Variants in GALNT18 observed in about 807,000 individuals in gnomAD.
GALNT18 encodes the protein polypeptide N-acetylgalactosaminyltransferase 18.
In GALNT18, 44 loss-of-function variants were observed where a neutral mutation model predicts 69.5. The ratio of observed to expected loss-of-function variants is 0.63; its 90% CI spans 0.50 to 0.81. The LOEUF is 0.81. GALNT18 is among the 40% of genes least tolerant of loss of function. The pLI is 0.00. For synonymous variants in GALNT18, 364 were observed against 318.2 expected (o/e 1.14, Z -1.53); for missense variants, 715 against 810.0 (o/e 0.88, Z 1.42).
intron 3 of GALNT18, among the ~76,000 whole-genome samples, chr11:11,431,420 C>T (rs983944249): frequency 6.6e-5 from 10 of 152,158 alleles, no homozygotes; most frequent in Non-Finnish European, 1.2e-4. Context: ...GAGATGGGAG[C>T]TGAGCCCTTC....
At chr11:11,553,936 C>T (rs60594162) in intron 1 of GALNT18, among the ~76,000 whole-genome samples, 13,109 of 152,226 alleles carry the variant, frequency 0.086, 702 homozygotes, top group South Asian at 0.18. Flanking sequence ...AGGACACGAG[C>T]GGCTCGGGCT....
chr11:11,358,062 C>T (rs1850567070), intron 6 of GALNT18, among the ~76,000 whole-genome samples: 1 of 152,080 alleles, frequency 6.6e-6, no homozygotes, highest in Non-Finnish European at 1.5e-5. Context: ...TGTGGGATCA[C>T]ACTGTCCCTG....
At position 11,604,336 on chromosome 11, in the gene GALNT18, GC is replaced by G. The variant is rs1473979986; in HGVS notation, c.235+17022del. Among the ~76,000 whole-genome samples, 2 of 152,154 alleles carry G rather than the reference GC, an allele frequency of 1.3e-5. No homozygotes were observed. Among genetic ancestry groups the G allele is most frequent in the African/African-American group, 4.8e-5 (2 of 41,436 alleles). ...CCATCAGTGGCACTGTGCTGACCAC[GC>G]CATCCACACAGCTGGGTCTCAGTTT... is the stretch of plus-strand genomic sequence containing the variant. On this transcript the variant is annotated intron_variant, in intron 1 of 10. Coordinates refer to ENST00000227756, the MANE Select transcript of GALNT18 (RefSeq NM_198516.3). This position sits in a 1 kb window ranked among gnomAD's most constrained non-coding sequence, Gnocchi z 5.6.
At chr11:11,489,861 T>C (rs1856725650) in intron 1 of GALNT18, among the ~76,000 whole-genome samples, 2 of 152,180 alleles carry the variant, frequency 1.3e-5, no homozygotes, top group South Asian at 2.1e-4. Context: ...AACAATCTGC[T>C]GAAGGTCACA....
intron 10 of GALNT18, among the ~76,000 whole-genome samples, chr11:11,287,902 C>A (rs552281743): frequency 2.7e-4 from 41 of 152,298 alleles, no homozygotes; most frequent in African/African-American, 9.1e-4. Context: ...CGACTACCAT[C>A]ATCTAATCCA....
chr11:11,488,890 G>A (rs11021877), intron 1 of GALNT18, among the ~76,000 whole-genome samples: 14,860 of 152,236 alleles, frequency 0.098, 1,065 homozygotes, highest in East Asian at 0.34. Flanking sequence ...TAACCTCTTT[G>A]TTCTTCACAA....
chr11:11,334,958 A>T lies in GALNT18; in HGVS notation c.1279-2127T>A, dbSNP rs542299010. Among the ~76,000 whole-genome samples the T allele has an allele frequency of 2.0e-5, 3 of 152,350 alleles. 1 individual carries two copies. Among genetic ancestry groups the T allele is most frequent in the Admixed American group, 2.0e-4 (3 of 15,308 alleles). ...TCCGACCCTAAAGCATTCATTAAGT[A>T]TTAACCCTTCACACTCCATGGTACT... On this transcript the variant is annotated intron_variant, in intron 7 of 10. Transcript: ENST00000227756.
chr11:11,426,514 T>C (rs957344933), intron 3 of GALNT18, among the ~76,000 whole-genome samples: 7 of 152,242 alleles, frequency 4.6e-5, no homozygotes, highest in African/African-American at 1.7e-4. Context: ...ATTAAATCCA[T>C]ATTTATTGAA....
chr11:11,521,390 G>C (rs1316614562), intron 1 of GALNT18, among the ~76,000 whole-genome samples: 1 of 152,032 alleles, frequency 6.6e-6, no homozygotes, highest in African/African-American at 2.4e-5. Context: ...CCACTCTCTG[G>C]CCACCAGCTA....
At chr11:11,491,987 C>T (rs1204785604) in intron 1 of GALNT18, among the ~76,000 whole-genome samples, 1 of 152,164 alleles carries the variant, frequency 6.6e-6, no homozygotes, top group African/African-American at 2.4e-5. Flanking sequence ...ACCTATGATT[C>T]ATTTAGCATT....
intron 1 of GALNT18, among the ~76,000 whole-genome samples, chr11:11,599,460 A>C (rs1052409682): frequency 3.3e-5 from 5 of 151,974 alleles, no homozygotes; most frequent in African/African-American, 1.2e-4. Context: ...ATCTTTCTTC[A>C]TCCTTTCTCT....
intron 10 of GALNT18, among the ~76,000 whole-genome samples, 184 bp from the exon 11 acceptor site, chr11:11,271,474 G>A (rs1399013759): frequency 1.3e-5 from 2 of 152,170 alleles, no homozygotes; most frequent in African/African-American, 4.8e-5. Flanking sequence ...CTGGAAGACT[G>A]AATATGTGCC....
rs779912079 is a variant in GALNT18, at chr11:11,332,714, C to T, written c.1396G>A (p.Asp466Asn). Residue 466 changes from aspartate (D) to asparagine (N), a missense_variant, in exon 8 of 11, where the codon GAC becomes AAC. Asp to Asn is a conservative substitution (Grantham distance 23, BLOSUM62 1). Coordinates refer to ENST00000227756, the MANE Select transcript of GALNT18 (RefSeq NM_198516.3). This position sits in a 1 kb window ranked among gnomAD's most constrained non-coding sequence, Gnocchi z 4.3. ...SVYPEMRMYSDIIAYGVLQNS... is the reference protein window; with the variant it reads ...SVYPEMRMYSNIIAYGVLQNS... ...CTTACCACTCCATAGGCAATGATGT[C>T]GGAGTACATCCTCATCTCTGGGTAC... The T allele has an allele frequency of 2.5e-5, 41 of 1,614,110 alleles. No homozygotes were observed. Among genetic ancestry groups the T allele is most frequent in the South Asian group, 3.3e-5 (3 of 91,072 alleles).
At chr11:11,493,343 T>C (rs1316921716) in intron 1 of GALNT18, among the ~76,000 whole-genome samples, 1 of 151,294 alleles carries the variant, frequency 6.6e-6, no homozygotes, top group Non-Finnish European at 1.5e-5. Flanking sequence ...GGTGGATCTT[T>C]TTGGGCAGCT....
intron 3 of GALNT18, among the ~76,000 whole-genome samples, chr11:11,407,325 T>G (rs1012027878): frequency 6.6e-6 from 1 of 152,200 alleles, no homozygotes; most frequent in African/African-American, 2.4e-5. Context: ...GCTGAATCGC[T>G]GAAAGCACCC....
intron 1 of GALNT18, among the ~76,000 whole-genome samples, chr11:11,482,408 T>A (rs969405327): frequency 6.6e-6 from 1 of 152,220 alleles, no homozygotes; most frequent in Non-Finnish European, 1.5e-5. Context: ...GGCAAGGGAA[T>A]GAGGCCTCTG....
intron 6 of GALNT18, among the ~76,000 whole-genome samples, chr11:11,366,640 A>G (rs904330322): frequency 6.6e-6 from 1 of 151,448 alleles, no homozygotes; most frequent in African/African-American, 2.4e-5. Flanking sequence ...TAGGGAAAGA[A>G]TTCGAAAATA....
rs1431443476 is a variant in GALNT18, at chr11:11,573,589, G to A, written c.235+47770C>T. On this transcript the variant is annotated intron_variant, in intron 1 of 10. Transcript: ENST00000227756. The surrounding 1 kb of genome is among the most constrained non-coding windows in gnomAD (Gnocchi z 4.6). ...GGAGCCTTGATCCACCCAGGAAGAGGTGCCAGCTGGATCAGCAAGAGGCTG... is the reference window on the plus strand; with the variant it reads ...GGAGCCTTGATCCACCCAGGAAGAGATGCCAGCTGGATCAGCAAGAGGCTG... The A allele has an allele frequency of 6.6e-6, 1 of 152,196 alleles. No homozygotes were observed. Among genetic ancestry groups the A allele is most frequent in the Non-Finnish European group, 1.5e-5 (1 of 68,060 alleles). 9.4% of individuals were successfully genotyped at this position (152,196 alleles called of 1,614,324 possible).
intron 10 of GALNT18, among the ~76,000 whole-genome samples, chr11:11,291,751 C>T (rs770555628): frequency 6.6e-6 from 1 of 152,152 alleles, no homozygotes; most frequent in Non-Finnish European, 1.5e-5. Context: ...CTGGTTTAGG[C>T]TCTTGGTTCT....
Sources: allele counts gnomAD v4.1 joint callset (sites outside exome capture counted in the v4.1 genomes callset), GRCh38; gene constraint gnomAD v4.1.1; non-coding constraint Gnocchi (gnomAD v3.1); transcripts MANE v1.5; gene names NCBI Gene and HGNC (gene_info 2026-07-23, HGNC 2026-07-21).